OLFM4: variants seen among roughly 807,000 people sequenced by gnomAD.
OLFM4 encodes the protein olfactomedin-4.
In OLFM4, 22 loss-of-function variants were observed where a neutral mutation model predicts 25.5. The observed-to-expected ratio is 0.86, with a 90% confidence interval of 0.62 to 1.23. The LOEUF is 1.23. OLFM4 is among the 50% of genes most tolerant of loss of function. The pLI, the probability that OLFM4 is intolerant of heterozygous loss-of-function variation, is 0.00. For synonymous variants in OLFM4, 255 were observed against 237.7 expected, an observed-to-expected ratio of 1.07 and a Z score of -0.67; for missense variants, 594 against 619.4, an observed-to-expected ratio of 0.96 and a Z score of 0.44.
intron 4 of OLFM4, 109 bp from the exon 5 acceptor site, chr13:53,049,860 T>G: frequency 8.2e-7 from 1 of 1,221,358 alleles, no homozygotes; most frequent in Non-Finnish European, 1.1e-6. Flanking sequence ...TTATTGAACC[T>G]TGACAGGAAA....
At chr13:53,039,401 T>C (rs1429717100) in intron 2 of OLFM4, among the ~76,000 whole-genome samples, 1 of 152,186 alleles carries the variant, frequency 6.6e-6, no homozygotes, top group Non-Finnish European at 1.5e-5. Context: ...TTATATATAG[T>C]GAGCCCTCCA....
rs377673623 is a variant in OLFM4 at position 53,050,193 on chromosome 13, C to T, written c.955C>T (p.Arg319Ter). 35 of 1,613,870 alleles carry T rather than the reference C, an allele frequency of 2.2e-5. No individual in the cohort carries two copies. In the African/African-American group the frequency reaches 3.2e-4, roughly 15 times the overall value. Residue 319 changes from arginine (R) to a stop codon, truncating the protein, a stop_gained, in exon 5 of 5, where the codon CGA (arginine) becomes TGA (stop). Transcript: ENST00000219022. LOFTEE classifies it low-confidence loss of function (END_TRUNC). ...TGATTTGCTATTGTATATAAATGCT[C>T]GAGAGTTGCGGATCACCTATGGCCA... is the stretch of plus-strand genomic sequence containing the variant. ...LDDLLLYINA[R>*]ELRITYGQGS...
intron 2 of OLFM4, among the ~76,000 whole-genome samples, chr13:53,040,890 A>C (rs564452970): frequency 1.3e-5 from 2 of 152,314 alleles, no homozygotes; most frequent in East Asian, 3.9e-4. Flanking sequence ...ATATCACTTG[A>C]TCATTAGAGA....
chr13:53,040,288 T>C (rs2138236420), intron 2 of OLFM4, among the ~76,000 whole-genome samples: 1 of 152,322 alleles, frequency 6.6e-6, no homozygotes, highest in African/African-American at 2.4e-5. Flanking sequence ...GACATTCAAA[T>C]ATATGCAACA....
In OLFM4 at chr13:53,042,063, A is replaced by G. The variant is rs1436459913; in HGVS notation, c.511A>G (p.Ile171Val). The G allele has an allele frequency of 1.2e-6, 2 of 1,613,974 alleles. No individual in the cohort carries two copies. Among genetic ancestry groups the G allele is most frequent in the Non-Finnish European group, 1.7e-6 (2 of 1,179,980 alleles). The change falls in exon 3 of 5, where the codon ATA becomes GTA. Residue 171 changes from isoleucine to valine, a missense_variant. Transcript: ENST00000219022. The part of the protein sequence containing the change: ...VEVKEMEKLV[I>V]QLKESFGGSS... The stretch of plus-strand genomic sequence containing the variant: ...AGTGAAGGAGATGGAAAAACTGGTC[A>G]TACAGCTGAAGGAGAGTTTTGGTGG...
Position 53,050,571 on chromosome 13 carries a change from A to G in OLFM4, c.1333A>G (p.Thr445Ala). 5 of 1,614,044 alleles carry G rather than the reference A, an allele frequency of 3.1e-6. No homozygotes were observed. The highest frequency in any genetic ancestry group is 2.2e-5 in the East Asian group (1 of 44,866). Residue 445 changes from threonine to alanine, a missense_variant, in exon 5 of 5, where the codon ACT becomes GCT. Physicochemically the swap from Thr to Ala is moderately conservative, Grantham distance 58. Coordinates refer to ENST00000219022, the MANE Select transcript of OLFM4 (RefSeq NM_006418.5). ...ATGTGGGGTTCTGTATGCCACCCGT[A>G]CTATGAACACCAGAACAGAAGAGAT... ...MVCGVLYATRTMNTRTEEIFY... is the reference protein window; with the variant it reads ...MVCGVLYATRAMNTRTEEIFY...
chr13:53,050,765 C>T lies in OLFM4; in HGVS notation c.1527C>T (p.Pro509=). ...ATGATCTTTCTGTCTTGCAGAAGCCCCAGTAAGCTGTTTAGGAGTTAGGGT... is the reference window on the plus strand; with the variant it reads ...ATGATCTTTCTGTCTTGCAGAAGCCTCAGTAAGCTGTTTAGGAGTTAGGGT... ...LNYDLSVLQK[P]Q is the part of the protein sequence containing the mutation. Residue 509 remains proline, a synonymous_variant, in exon 5 of 5, where the codon CCC becomes CCT. Coordinates refer to ENST00000219022, the MANE Select transcript of OLFM4 (RefSeq NM_006418.5). 6.3e-7 allele frequency: 1 copy of T among 1,587,102 alleles called. No individual in the cohort carries two copies. The highest frequency in any genetic ancestry group is 8.5e-7 in the Non-Finnish European group (1 of 1,170,076).
intron 1 of OLFM4, 53 bp from the exon 2 acceptor site, chr13:53,034,295 C>G (rs1593477839): frequency 1.9e-6 from 3 of 1,590,116 alleles, no homozygotes; most frequent in Non-Finnish European, 8.6e-7. Context: ...CTCCAGTTGC[C>G]AAAAGCTCAG....
chr13:53,050,250 A>T lies in OLFM4; in HGVS notation c.1012A>T (p.Met338Leu). 1 of 1,614,100 alleles carries T rather than the reference A, an allele frequency of 6.2e-7. No individual in the cohort carries two copies. The highest frequency in any genetic ancestry group is 1.3e-5 in the African/African-American group (1 of 75,040). ...GSGTAVYNNN[M>L]YVNMYNTGNI... is the part of the protein sequence containing the mutation. ...TGGTACAGCAGTTTACAACAACAACATGTACGTCAACATGTACAACACCGG... is the reference window on the plus strand; with the variant it reads ...TGGTACAGCAGTTTACAACAACAACTTGTACGTCAACATGTACAACACCGG... The change falls in exon 5 of 5, where the codon ATG becomes TTG. Residue 338 changes from methionine (M) to leucine (L), a missense_variant. By Grantham distance (15) the Met-to-Leu change is conservative (BLOSUM62 2). Coordinates refer to ENST00000219022, the MANE Select transcript of OLFM4 (RefSeq NM_006418.5).
chr13:53,041,005 G>A (rs1954683992), intron 2 of OLFM4, among the ~76,000 whole-genome samples: 1 of 152,086 alleles, frequency 6.6e-6, no homozygotes, highest in Non-Finnish European at 1.5e-5. Flanking sequence ...CAGAGGAAAG[G>A]GAACATTTAT....
chr13:53,034,547 C>A, intron 2 of OLFM4, 47 bp downstream of exon 2: 1 of 1,510,346 alleles, frequency 6.6e-7, no homozygotes, highest in South Asian at 1.2e-5. Context: ...AGAAACAAAA[C>A]AAAATGTGTT....
intron 4 of OLFM4, among the ~76,000 whole-genome samples, chr13:53,049,744 T>C (rs1221273552): frequency 2.0e-5 from 3 of 152,266 alleles, no homozygotes; most frequent in Non-Finnish European, 2.9e-5. Flanking sequence ...AGCCCACCCA[T>C]GGAAACAGAA....
chr13:53,034,072 A>AG (rs1307335403), intron 1 of OLFM4, among the ~76,000 whole-genome samples: 1 of 142,982 alleles, frequency 7.0e-6, no homozygotes, highest in Admixed American at 7.1e-5. Flanking sequence ...AAAAAAAAAA[A>AG]AAAAAAAAAG....
intron 4 of OLFM4, among the ~76,000 whole-genome samples, chr13:53,044,191 T>A (rs1472897337): frequency 1.3e-5 from 2 of 152,170 alleles, no homozygotes; most frequent in African/African-American, 4.8e-5. Context: ...GTTAATAATG[T>A]TGATAATTGA....
At chr13:53,045,036 G>A (rs184048671) in intron 4 of OLFM4, among the ~76,000 whole-genome samples, 16 of 152,294 alleles carry the variant, frequency 1.1e-4, no homozygotes, top group African/African-American at 3.6e-4. Context: ...TGGTAAGAAC[G>A]CTGCTTTTCC....
Position 53,050,867 on chromosome 13 carries a change from C to A in OLFM4, c.*96C>A. 1 of 1,050,148 alleles carries A rather than the reference C, an allele frequency of 9.5e-7. No individual in the cohort carries two copies. The highest frequency in any genetic ancestry group is 1.6e-5 in the South Asian group (1 of 61,182). 65.1% of individuals were successfully genotyped at this position (1,050,148 alleles called of 1,614,324 possible). Reference sequence around the variant, plus strand: ...CTGCAGGGGTGTCTAAAAGTGTGTTCATTTTGCAGCAATGTTTAGGTGCAT... The same window carrying A: ...CTGCAGGGGTGTCTAAAAGTGTGTTAATTTTGCAGCAATGTTTAGGTGCAT... On this transcript the variant is annotated 3_prime_UTR_variant, in exon 5 of 5. Transcript: ENST00000219022.
chr13:53,046,497 G>A (rs1954716876), intron 4 of OLFM4, among the ~76,000 whole-genome samples: 1 of 152,184 alleles, frequency 6.6e-6, no homozygotes, highest in Non-Finnish European at 1.5e-5. Flanking sequence ...AACCAGATAT[G>A]TAGCAGGGTA....
intron 2 of OLFM4, among the ~76,000 whole-genome samples, chr13:53,040,715 A>C (rs1954682529): frequency 6.6e-6 from 1 of 152,204 alleles, no homozygotes; most frequent in Non-Finnish European, 1.5e-5. Flanking sequence ...CCCCCACAAG[A>C]AATGACAATC....
intron 3 of OLFM4, 78 bp from the exon 4 acceptor site, chr13:53,043,027 T>A: frequency 8.8e-7 from 1 of 1,136,744 alleles, no homozygotes; most frequent in Non-Finnish European, 1.2e-6. Flanking sequence ...TTTCACTAAA[T>A]GACAAATTCA....
Sources: gnomAD v4.1 joint callset for allele counts (sites outside exome capture counted in the v4.1 genomes callset) on GRCh38, gnomAD v4.1.1 for gene constraint, MANE v1.5 for transcripts, NCBI Gene and HGNC (gene_info 2026-07-23, HGNC 2026-07-21) for gene names.